Variants in UBA2 observed in about 807,000 individuals in gnomAD.
The protein encoded by UBA2 is ubiquitin like modifier activating enzyme 2, also known as SUMO-activating enzyme subunit 2.
UBA2 carries 11 observed loss-of-function variants against 77.2 expected under a neutral mutation model. The ratio of observed to expected loss-of-function variants is 0.14; its 90% confidence interval spans 0.09 to 0.24. The LOEUF (loss-of-function observed/expected upper bound fraction) is 0.24, where lower values mean the gene tolerates loss of function less well. Ranked by LOEUF, UBA2 falls within the 10% of genes least tolerant of loss-of-function variation. The probability of loss-of-function intolerance (pLI) is 1.00; values close to 1 mark genes in which losing one functional copy is unlikely to be tolerated. For synonymous variants in UBA2, 278 were observed against 276.7 expected, an observed-to-expected ratio of 1.00 and a Z score of -0.05; for missense variants, 487 against 781.7, an observed-to-expected ratio of 0.62 and a Z score of 4.50.
At chr19:34,468,656 T>A (rs960999623) in intron 16 of UBA2, among the ~76,000 whole-genome samples, 2 of 152,218 alleles carry the variant, frequency 1.3e-5, no homozygotes, top group Non-Finnish European at 2.9e-5. Context: ...AAATGAGTTG[T>A]CATATGCACA....
intron 15 of UBA2, 77 bp downstream of exon 15, chr19:34,464,208 T>C (rs1599934463): frequency 1.0e-6 from 1 of 1,003,736 alleles, no homozygotes; most frequent in East Asian, 2.6e-5. Flanking sequence ...GAAAAGTGTT[T>C]TCTTATCCTT....
At chr19:34,429,680 A>G (rs1397724324) in intron 1 of UBA2, among the ~76,000 whole-genome samples, 2 of 151,974 alleles carry the variant, frequency 1.3e-5, no homozygotes, top group Non-Finnish European at 2.9e-5. Context: ...TCTACAAAAA[A>G]AGAAAATTAG....
At chr19:34,433,538 A>C (rs2075277765) in intron 4 of UBA2, 126 bp downstream of exon 4, 1 of 696,636 alleles carries the variant, frequency 1.4e-6, no homozygotes, top group African/African-American at 1.8e-5. Flanking sequence ...GAAATGATCG[A>C]GTTTAAAGCA....
At position 34,454,503 on chromosome 19, in the gene UBA2, A is replaced by C. The variant is rs750527719; in HGVS notation, c.1192A>C (p.Ile398Leu). Reference protein sequence around the residue: ...ATTNAVIAGLIVLEGLKILSG... With the variant: ...ATTNAVIAGLLVLEGLKILSG... ...TACTAATGCAGTAATTGCTGGGTTG[A>C]TAGTATTGGAAGGATTGAAGATTTT... is the stretch of plus-strand genomic sequence containing the variant. The change falls in exon 12 of 17, where the codon ATA (isoleucine) becomes CTA (leucine). Residue 398 changes from isoleucine (I) to leucine (L), a missense_variant. Ile to Leu is a conservative substitution (Grantham distance 5). Around this residue, in one of 9 missense-constraint regions of UBA2, gnomAD observed 300 missense variants for 454.3 expected, o/e 0.66. Coordinates refer to ENST00000246548, the MANE Select transcript of UBA2 (RefSeq NM_005499.3). 1.9e-6 allele frequency: 3 copies of C among 1,611,014 alleles called. No individual in the cohort carries two copies. In the South Asian group the frequency reaches 3.3e-5, roughly 18 times the overall value.
chr19:34,461,081 T>A (rs909069869), intron 14 of UBA2, among the ~76,000 whole-genome samples: 1 of 152,256 alleles, frequency 6.6e-6, no homozygotes, highest in African/African-American at 2.4e-5. Context: ...GAAGCTTTCA[T>A]AGTAAGGATT....
chr19:34,434,953 A>T lies in UBA2; in HGVS notation c.444A>T (p.Val148=). Residue 148 remains valine (V), a synonymous_variant, in exon 5 of 17, where the codon GTA becomes GTT. Transcript: ENST00000246548. ...ESGTAGYLGQ[V]TTIKKGVTEC... ...GAACAGCTGGGTATCTTGGACAAGT[A>T]ACTACTATCAAAAAGGTAAAGAAAA... The T allele has an allele frequency of 6.2e-7, 1 of 1,602,406 alleles. No homozygotes were observed. Among genetic ancestry groups the T allele is most frequent in the Non-Finnish European group, 8.5e-7 (1 of 1,175,228 alleles).
intron 12 of UBA2, among the ~76,000 whole-genome samples, chr19:34,457,094 C>T (rs1164246901): frequency 2.8e-5 from 4 of 144,490 alleles, no homozygotes; most frequent in Non-Finnish European, 6.0e-5. Context: ...TTTGGGAGGC[C>T]GAGGCAGGCA....
chr19:34,444,081 G>A (rs1275106699), intron 7 of UBA2, among the ~76,000 whole-genome samples, 170 bp downstream of exon 7: 1 of 113,108 alleles, frequency 8.8e-6, no homozygotes, highest in Non-Finnish European at 1.8e-5. Context: ...CTCAGAGGTG[G>A]AGTTTCTCTC....
intron 14 of UBA2, among the ~76,000 whole-genome samples, chr19:34,462,187 G>T (rs1312952524): frequency 1.3e-5 from 2 of 152,176 alleles, no homozygotes; most frequent in Non-Finnish European, 2.9e-5. Context: ...TGCCACCAGG[G>T]TTTAAACAGG....
At chr19:34,435,367 C>T (rs1158130459) in intron 5 of UBA2, among the ~76,000 whole-genome samples, 2 of 152,200 alleles carry the variant, frequency 1.3e-5, no homozygotes, top group African/African-American at 4.8e-5. Context: ...CACTGCCCTC[C>T]AGCCTGGGCT....
At position 34,458,369 on chromosome 19, in the gene UBA2, C is replaced by A. The variant is rs564084533; in HGVS notation, c.1246-400C>A. On this transcript the variant is annotated intron_variant, in intron 12 of 16. Transcript: ENST00000246548. Reference sequence around the variant, plus strand: ...AGGAGATCGAGACCATCCTGGCTAACACGGTGAAACCCCGTCTCTACTAAA... The same window carrying A: ...AGGAGATCGAGACCATCCTGGCTAAAACGGTGAAACCCCGTCTCTACTAAA... Among the ~76,000 whole-genome samples the A allele has an allele frequency of 1.4e-3, 215 of 151,640 alleles. 4 individuals are homozygous for A. The highest frequency in any genetic ancestry group is 4.9e-3 in the African/African-American group (203 of 41,332).
chr19:34,457,179 A>AATATATATATATATATATATATATATAT (rs766043321), intron 12 of UBA2, among the ~76,000 whole-genome samples: 2 of 53,220 alleles, frequency 3.8e-5, no homozygotes, highest in African/African-American at 1.2e-4. Flanking sequence ...AAAAAAAAAA[A>AATATATATATATATATATATATATATAT]ATATATATAT....
At chr19:34,441,749 T>C (rs539910816) in intron 6 of UBA2, among the ~76,000 whole-genome samples, 10 of 151,820 alleles carry the variant, frequency 6.6e-5, no homozygotes, top group Admixed American at 3.9e-4. Context: ...GGCGAAACCC[T>C]GTCTCTACTA....
rs2075211401 is a variant in UBA2, at chr19:34,428,478, G to T, written c.46G>T (p.Ala16Ser). ...GLPRELAEAVAGGRVLVVGAG... is the reference protein window; with the variant it reads ...GLPRELAEAVSGGRVLVVGAG... Reference sequence around the variant, plus strand: ...GCCCCGGGAGCTGGCTGAGGCGGTGGCCGGGGGCCGGGTGCTGGTGGTGGG... The same window carrying T: ...GCCCCGGGAGCTGGCTGAGGCGGTGTCCGGGGGCCGGGTGCTGGTGGTGGG... The change falls in exon 1 of 17, where the codon GCC (alanine) becomes TCC (serine). Residue 16 changes from alanine (A) to serine (S), a missense_variant. Ala to Ser is a moderately conservative substitution (Grantham distance 99). This residue lies in a region of UBA2 where 30 missense variants were observed against 27.4 expected (regional missense o/e 1.09). Transcript: ENST00000246548. The T allele has an allele frequency of 1.5e-5, 19 of 1,292,290 alleles. No homozygotes were observed. The highest frequency in any genetic ancestry group is 1.7e-5 in the Non-Finnish European group (17 of 1,014,442). 80.1% of individuals were successfully genotyped at this position (1,292,290 alleles called of 1,614,324 possible). A position where few individuals can be genotyped will look rare whatever the true frequency, so the allele number is the denominator to read the frequency against.
At chr19:34,451,885 T>C (rs1440123031) in intron 9 of UBA2, 96 bp from the exon 10 acceptor site, 2 of 639,278 alleles carry the variant, frequency 3.1e-6, no homozygotes, top group Non-Finnish European at 4.8e-6. Flanking sequence ...TCATATTTGA[T>C]TTCTTAATGG....
intron 7 of UBA2, 85 bp from the exon 8 acceptor site, chr19:34,444,914 AC>A: frequency 7.2e-7 from 1 of 1,397,370 alleles, no homozygotes; most frequent in South Asian, 1.4e-5. Flanking sequence ...TCCATGAGTG[AC>A]TTTCTTTTTA....
intron 6 of UBA2, among the ~76,000 whole-genome samples, chr19:34,441,072 A>G (rs1258268615): frequency 6.6e-6 from 1 of 152,216 alleles, no homozygotes; most frequent in Admixed American, 6.5e-5. Context: ...AATTAAAGAT[A>G]AACTATATAG....
At position 34,450,442 on chromosome 19, in the gene UBA2, G is replaced by C. The variant is rs570368012; in HGVS notation, c.871+78G>C. On this transcript the variant is annotated intron_variant, in intron 9 of 16. Coordinates refer to ENST00000246548, the MANE Select transcript of UBA2 (RefSeq NM_005499.3). ...AAAGTCTTTGTATAGCCCTGTTGTT[G>C]CTTGAAAATGATATGTCTTCATATA... 1.4e-3 allele frequency: 1,294 copies of C among 958,092 alleles called. 1 individual carries two copies. The highest frequency in any genetic ancestry group is 3.5e-3 in the Middle Eastern group (16 of 4,552). The allele number at this position is 958,092 out of a possible 1,614,324, so 59.3% of individuals were successfully genotyped here.
chr19:34,453,185 T>C (rs1452511352), intron 10 of UBA2, among the ~76,000 whole-genome samples: 1 of 152,132 alleles, frequency 6.6e-6, no homozygotes, highest in Non-Finnish European at 1.5e-5. Flanking sequence ...ATTAAGAGAT[T>C]TTGACTCAAG....
Sources: allele counts gnomAD v4.1 joint callset (sites outside exome capture counted in the v4.1 genomes callset), GRCh38; gene constraint gnomAD v4.1.1; regional missense constraint gnomAD v4.1.1; transcripts MANE v1.5; gene names NCBI Gene and HGNC (gene_info 2026-07-23, HGNC 2026-07-21).